The following KCTD1 variants were observed in gnomAD, a reference collection of about 807,000 sequenced individuals.
The protein encoded by KCTD1 is BTB/POZ domain-containing protein KCTD1.
KCTD1 carries 24 observed loss-of-function variants against 66.0 expected under a neutral mutation model. The ratio of observed to expected loss-of-function variants is 0.36; its 90% CI spans 0.26 to 0.51. KCTD1 has a LOEUF of 0.51. KCTD1 is among the 20% of genes least tolerant of loss of function. The pLI is 0.95. For missense variants in KCTD1, 943 were observed against 1,205.2 expected (o/e 0.78, Z 3.22); for synonymous variants, 511 against 517.2 (o/e 0.99, Z 0.16).
At chr18:26,529,163 G>C (rs1984315996) in intron 1 of KCTD1, among the ~76,000 whole-genome samples, 1 of 152,072 alleles carries the variant, frequency 6.6e-6, no homozygotes, top group Non-Finnish European at 1.5e-5. Context: ...CACAGCACTA[G>C]CATGTCAATA....
At chr18:26,532,490 G>A (rs937243795) in intron 1 of KCTD1, among the ~76,000 whole-genome samples, 6 of 151,906 alleles carry the variant, frequency 3.9e-5, no homozygotes, top group Non-Finnish European at 5.9e-5. Flanking sequence ...TCTCAAACTC[G>A]TGGCCTCAAG....
At position 26,548,481 on chromosome 18, in the gene KCTD1, CTGG is replaced by C; in HGVS notation, c.53_55del (p.Ala18_Ser19delinsGly). 1.6e-6 allele frequency: 2 copies of C among 1,248,450 alleles called. No homozygotes were observed. Among genetic ancestry groups the C allele is most frequent in the Non-Finnish European group, 2.0e-6 (2 of 1,003,466 alleles). The allele number at this position is 1,248,450 out of a possible 1,614,324, so 77.3% of individuals were successfully genotyped here. On this transcript the variant is annotated inframe_deletion, in exon 1 of 5. Transcript: ENST00000580059. The stretch of plus-strand genomic sequence containing the variant: ...GTTCTCGGCGGCGGCGGCGGCAGCG[CTGG>C]CGCTGCCGCCCGCGCTGGTGTTACA...
At chr18:26,464,096 C>T (rs1980593035) in intron 3 of KCTD1, among the ~76,000 whole-genome samples, 1 of 152,252 alleles carries the variant, frequency 6.6e-6, no homozygotes. Flanking sequence ...GTTCCTACTG[C>T]TGCTGTGAGA....
intron 2 of KCTD1, among the ~76,000 whole-genome samples, chr18:26,484,099 A>G (rs551450694): frequency 6.6e-6 from 1 of 152,348 alleles, no homozygotes; most frequent in African/African-American, 2.4e-5. Flanking sequence ...AGTCTGCATT[A>G]TCATAAACAG....
chr18:26,474,637 A>T (rs757197455), intron 3 of KCTD1, among the ~76,000 whole-genome samples: 1 of 152,096 alleles, frequency 6.6e-6, no homozygotes, highest in African/African-American at 2.4e-5. Context: ...AAATTTTTCC[A>T]CTGGGTTGTT....
chr18:26,571,996 T>C (rs190617096), intron 1 of KCTD1, among the ~76,000 whole-genome samples: 10 of 151,080 alleles, frequency 6.6e-5, no homozygotes, highest in Non-Finnish European at 1.0e-4. Context: ...CTGTATTCAT[T>C]AAAAAAAAAT....
chr18:26,587,010 A>G (rs926672286), intron 1 of KCTD1, among the ~76,000 whole-genome samples: 3 of 152,214 alleles, frequency 2.0e-5, no homozygotes, highest in African/African-American at 4.8e-5. Context: ...TCTTCAGTAA[A>G]GGTGGTTACA....
rs964334761 is a variant in KCTD1, at chr18:26,501,340, A to G, written c.1810-90T>C. ...TAGCATAAAGAATAAACGAGTGATT[A>G]ACGATACTCATTCAGTAATAAAACC... On this transcript the variant is annotated intron_variant, in intron 1 of 4. Coordinates refer to ENST00000580059, the MANE Select transcript of KCTD1 (RefSeq NM_001142730.3). The G allele has an allele frequency of 5.4e-6, 6 of 1,117,804 alleles. No homozygotes were observed. In the African/African-American group the frequency reaches 9.4e-5, roughly 17 times the overall value. The allele number at this position is 1,117,804 out of a possible 1,614,324, so 69.2% of individuals were successfully genotyped here.
At chr18:26,590,609 G>A (rs1045995325) in intron 1 of KCTD1, among the ~76,000 whole-genome samples, 1 of 151,930 alleles carries the variant, frequency 6.6e-6, no homozygotes, top group Non-Finnish European at 1.5e-5. Context: ...CTGCTTGTGT[G>A]GTACAGTTTT....
At chr18:26,645,836 G>A (rs1157717895) in intron 1 of KCTD1, among the ~76,000 whole-genome samples, 1 of 152,138 alleles carries the variant, frequency 6.6e-6, no homozygotes, top group Non-Finnish European at 1.5e-5. Flanking sequence ...AAATTCTCAG[G>A]CCTCACCCTA....
At chr18:26,598,607 C>T (rs1270421801) in intron 1 of KCTD1, among the ~76,000 whole-genome samples, 1 of 152,072 alleles carries the variant, frequency 6.6e-6, no homozygotes, top group Non-Finnish European at 1.5e-5. Flanking sequence ...GTTTACATTC[C>T]CATCAGCTGT....
At chr18:26,494,985 A>G (rs148300057) in intron 2 of KCTD1, among the ~76,000 whole-genome samples, 12 of 152,348 alleles carry the variant, frequency 7.9e-5, no homozygotes, top group African/African-American at 2.6e-4. Context: ...TGACTTTTAA[A>G]TTTGCTATCG....
chr18:26,532,257 C>T (rs1598922442), intron 1 of KCTD1, among the ~76,000 whole-genome samples: 1 of 128,192 alleles, frequency 7.8e-6, no homozygotes, highest in Non-Finnish European at 1.6e-5. Flanking sequence ...TCTTTTCTTT[C>T]CTTCTTTTTT....
intron 1 of KCTD1, among the ~76,000 whole-genome samples, chr18:26,579,050 T>G (rs917915392): frequency 2.4e-4 from 36 of 152,258 alleles, no homozygotes; most frequent in African/African-American, 8.4e-4. Context: ...GTTTTGTTTT[T>G]TTTTTCAGTC....
chr18:26,621,320 T>C (rs9947193), intron 1 of KCTD1, among the ~76,000 whole-genome samples: 3,645 of 152,116 alleles, frequency 0.024, 147 homozygotes, highest in African/African-American at 0.083. Context: ...AAATACACAC[T>C]CCAGCGTCCA....
intron 2 of KCTD1, among the ~76,000 whole-genome samples, chr18:26,492,819 T>C (rs1415596704): frequency 6.6e-6 from 1 of 152,006 alleles, no homozygotes; most frequent in Non-Finnish European, 1.5e-5. Context: ...GAGGGATAAA[T>C]ACAGTTCCTT....
At chr18:26,482,169 C>G (rs8083173) in intron 2 of KCTD1, among the ~76,000 whole-genome samples, 4 of 152,132 alleles carry the variant, frequency 2.6e-5, no homozygotes, top group Admixed American at 2.0e-4. Flanking sequence ...TTCAAGCTTA[C>G]GGGGGACAAT....
At chr18:26,579,224 A>G (rs374246946) in intron 1 of KCTD1, among the ~76,000 whole-genome samples, 16 of 151,950 alleles carry the variant, frequency 1.1e-4, no homozygotes, top group African/African-American at 3.9e-4. Flanking sequence ...CCTCCAGTAG[A>G]AAATAAGTTA....
At chr18:26,528,480 A>G (rs1468264781) in intron 1 of KCTD1, among the ~76,000 whole-genome samples, 1 of 152,144 alleles carries the variant, frequency 6.6e-6, no homozygotes, top group African/African-American at 2.4e-5. Context: ...TGCTCTTTCT[A>G]AACAGGTTCA....
Sources: gnomAD v4.1 joint callset for allele counts (sites outside exome capture counted in the v4.1 genomes callset) on GRCh38, gnomAD v4.1.1 for gene constraint, MANE v1.5 for transcripts, NCBI Gene and HGNC (gene_info 2026-07-23, HGNC 2026-07-21) for gene names.